The following CALCR variants were observed in gnomAD, a reference collection of about 807,000 sequenced individuals.
The protein encoded by CALCR is calcitonin receptor.
A neutral mutation model predicts 59.5 loss-of-function variants in CALCR; 47 were observed. That is an observed-to-expected ratio of 0.79 (90% CI 0.63 to 1.01). The LOEUF (loss-of-function observed/expected upper bound fraction) is 1.01. CALCR is among the 50% of genes least tolerant of loss of function. The pLI is 0.00. For missense variants in CALCR, 566 were observed against 597.1 expected, an observed-to-expected ratio of 0.95 and a Z score of 0.54; for synonymous variants, 213 against 211.3, an observed-to-expected ratio of 1.01 and a Z score of -0.07.
chr7:93,525,720 G>T (rs1801863937), intron 2 of CALCR, among the ~76,000 whole-genome samples: 1 of 152,084 alleles, frequency 6.6e-6, no homozygotes, highest in African/African-American at 2.4e-5. Context: ...AGTCAGTCAG[G>T]ATTAATTCTT....
intron 2 of CALCR, among the ~76,000 whole-genome samples, chr7:93,509,264 A>C (rs1263810099): frequency 1.3e-5 from 2 of 152,148 alleles, no homozygotes; most frequent in Non-Finnish European, 2.9e-5. Flanking sequence ...ATGAAGTCTT[A>C]CCTTTCACTA....
chr7:93,480,764 C>G (rs1262336573), intron 3 of CALCR, among the ~76,000 whole-genome samples: 1 of 151,760 alleles, frequency 6.6e-6, no homozygotes, highest in East Asian at 2.0e-4. Flanking sequence ...GCTACAGATA[C>G]AAGGTAGAAT....
At chr7:93,539,152 A>G (rs1789066367) in intron 2 of CALCR, among the ~76,000 whole-genome samples, 1 of 152,138 alleles carries the variant, frequency 6.6e-6, no homozygotes, top group Non-Finnish European at 1.5e-5. Context: ...TTATATATAA[A>G]GTCCATTAAA....
At chr7:93,468,321 T>C (rs1002163207) in intron 7 of CALCR, among the ~76,000 whole-genome samples, 8 of 151,656 alleles carry the variant, frequency 5.3e-5, no homozygotes, top group African/African-American at 1.9e-4. Context: ...AGGGTATATA[T>C]GGATTTGTGG....
intron 2 of CALCR, among the ~76,000 whole-genome samples, chr7:93,541,662 G>T (rs894387396): frequency 3.9e-5 from 6 of 152,166 alleles, no homozygotes; most frequent in Non-Finnish European, 7.3e-5. Context: ...GACACCACAA[G>T]ATTGTGACTT....
chr7:93,556,029 A>C (rs1487801980), intron 2 of CALCR, among the ~76,000 whole-genome samples: 1 of 152,202 alleles, frequency 6.6e-6, no homozygotes, highest in Non-Finnish European at 1.5e-5. Context: ...CCTTAACCAA[A>C]TACTGCATCC....
intron 3 of CALCR, chr7:93,482,653 G>A: frequency 2.6e-6 from 1 of 385,454 alleles, no homozygotes. Flanking sequence ...CCCTATGCTT[G>A]TATTTTCAAT....
intron 8 of CALCR, among the ~76,000 whole-genome samples, chr7:93,458,200 A>G (rs964130145): frequency 6.6e-6 from 1 of 152,088 alleles, no homozygotes; most frequent in African/African-American, 2.4e-5. Flanking sequence ...CTCTGCATAT[A>G]TTCATACCAC....
chr7:93,478,940 C>T (rs1800731450), intron 4 of CALCR, among the ~76,000 whole-genome samples: 1 of 151,696 alleles, frequency 6.6e-6, no homozygotes, highest in Non-Finnish European at 1.5e-5. Flanking sequence ...GGGTTGCCAA[C>T]CAATTGACAG....
intron 2 of CALCR, among the ~76,000 whole-genome samples, chr7:93,505,214 C>A (rs572619108): frequency 4.6e-5 from 7 of 151,770 alleles, no homozygotes; most frequent in African/African-American, 1.7e-4. Flanking sequence ...TTGCAGAACT[C>A]CCCCCCAAAA....
At chr7:93,520,614 G>A (rs1801741871) in intron 2 of CALCR, among the ~76,000 whole-genome samples, 2 of 151,962 alleles carry the variant, frequency 1.3e-5, no homozygotes, top group African/African-American at 4.8e-5. Context: ...ATAATTCCAT[G>A]TACAGCTATA....
intron 8 of CALCR, among the ~76,000 whole-genome samples, chr7:93,452,912 A>G (rs145694723): frequency 0.012 from 1,752 of 152,118 alleles, 127 homozygotes; most frequent in Admixed American, 0.1. Context: ...TTTTTTCTCT[A>G]TATGGTATAG....
Position 93,469,706 on chromosome 7 carries a change from G to C in CALCR, c.430-900C>G, listed in dbSNP as rs894269787. On this transcript the variant is annotated intron_variant, in intron 6 of 13. Transcript: ENST00000426151. ...GCAACTAGGGATTTTGTTTTCACTTGTTTTTCTTGGTGAAGCATAATTTGT... is the reference window on the plus strand; with the variant it reads ...GCAACTAGGGATTTTGTTTTCACTTCTTTTTCTTGGTGAAGCATAATTTGT... 4.0e-5 allele frequency among the ~76,000 whole-genome samples: 6 copies of C among 151,422 alleles called. No homozygotes were observed. In the South Asian group the frequency reaches 8.4e-4, roughly 21 times the overall value.
intron 2 of CALCR, among the ~76,000 whole-genome samples, chr7:93,521,952 A>T (rs1801773870): frequency 6.6e-6 from 1 of 152,082 alleles, no homozygotes; most frequent in Admixed American, 6.6e-5. Context: ...CTACCAACAA[A>T]TTTCTGAATG....
At chr7:93,478,060 C>T (rs923132581) in intron 4 of CALCR, among the ~76,000 whole-genome samples, 2 of 147,660 alleles carry the variant, frequency 1.4e-5, no homozygotes, top group Non-Finnish European at 3.0e-5. Context: ...CAGATCCAGG[C>T]TTTCAAGAAA....
chr7:93,458,503 C>T (rs531291806), intron 8 of CALCR, among the ~76,000 whole-genome samples: 2 of 152,266 alleles, frequency 1.3e-5, no homozygotes, highest in East Asian at 3.9e-4. Flanking sequence ...GCCCTGGGCC[C>T]ACAGAAATAA....
In CALCR at chr7:93,473,111, A is replaced by G. The variant is rs530576418; in HGVS notation, c.317-624T>C. Among the ~76,000 whole-genome samples, 8 of 151,870 alleles carry G rather than the reference A, an allele frequency of 5.3e-5. No homozygotes were observed. The East Asian group carries it at 1.6e-3, about 30-fold the overall frequency. ...TCTCTTCATCCCACAGAAAATATATAGGGATCCAGGCTTCAGCCTTTAATG... is the reference window on the plus strand; with the variant it reads ...TCTCTTCATCCCACAGAAAATATATGGGGATCCAGGCTTCAGCCTTTAATG... On this transcript the variant is annotated intron_variant, in intron 5 of 13. Transcript: ENST00000426151.
At chr7:93,536,969 C>T (rs1305310060) in intron 2 of CALCR, among the ~76,000 whole-genome samples, 1 of 151,640 alleles carries the variant, frequency 6.6e-6, no homozygotes, top group African/African-American at 2.4e-5. Context: ...ATGTTTCCAA[C>T]TTAGCATTAA....
chr7:93,508,188 A>G (rs1202232256), intron 2 of CALCR, among the ~76,000 whole-genome samples: 1 of 152,232 alleles, frequency 6.6e-6, no homozygotes, highest in Non-Finnish European at 1.5e-5. Context: ...CACTTATTTC[A>G]CAAATGTTGA....
Sources: allele counts gnomAD v4.1 joint callset (sites outside exome capture counted in the v4.1 genomes callset), GRCh38; gene constraint gnomAD v4.1.1; transcripts MANE v1.5; gene names NCBI Gene and HGNC (gene_info 2026-07-23, HGNC 2026-07-21).